Variants in SHH observed in about 807,000 individuals in gnomAD.
SHH encodes sonic hedgehog signaling molecule, also known as sonic hedgehog protein.
SHH carries 3 observed loss-of-function variants against 16.6 expected under a neutral mutation model. The ratio of observed to expected loss-of-function variants is 0.18; its 90% CI spans 0.08 to 0.47. The LOEUF (loss-of-function observed/expected upper bound fraction) is 0.47. Ranked by LOEUF, SHH falls within the 20% of genes least tolerant of loss-of-function variation. SHH has a pLI of 0.98. For missense variants in SHH, 499 were observed against 665.0 expected (o/e 0.75, Z 2.75); for synonymous variants, 351 against 316.2 (o/e 1.11, Z -1.17).
Position 155,803,559 on chromosome 7 carries a change from G to T in SHH, c.730C>A (p.Arg244Ser), listed in dbSNP as rs199513347. 3 of 1,597,994 alleles carry T rather than the reference G, an allele frequency of 1.9e-6. No homozygotes were observed. The highest frequency in any genetic ancestry group is 1.3e-5 in the African/African-American group (1 of 74,992). ...AAGACCTTCTTGGCGCCGTCGTCGC[G>T]GTCCAGGAAAGTGAGGAAGTCGCTG... is the stretch of plus-strand genomic sequence containing the variant. ...LYSDFLTFLD[R>S]DDGAKKVFYV... Residue 244 changes from arginine (R) to serine (S), a missense_variant, in exon 3 of 3, where the codon CGC (arginine) becomes AGC (serine). This residue lies in a region of SHH where 114 missense variants were observed against 200.4 expected (regional missense o/e 0.57). Coordinates refer to ENST00000297261, the MANE Select transcript of SHH (RefSeq NM_000193.4).
chr7:155,811,730 C>T, intron 1 of SHH, 93 bp downstream of exon 1: 1 of 1,288,822 alleles, frequency 7.8e-7, no homozygotes, highest in Non-Finnish European at 1.1e-6. Context: ...TCCTATCTGC[C>T]CGAAGAGCAA....
At chr7:155,808,609 C>T (rs1360872839) in intron 1 of SHH, among the ~76,000 whole-genome samples, 1 of 152,206 alleles carries the variant, frequency 6.6e-6, no homozygotes, top group East Asian at 1.9e-4. Flanking sequence ...GGGCTCCGCG[C>T]GGCCTCGGCT....
rs1803409333 is a variant in SHH, at chr7:155,807,977, C to G, written c.301-1420G>C. ...GAGAGGGTGGGGCGAGGACGCTGGC[C>G]CCACTGCTGCGGCGCTTTAAGGGGA... On this transcript the variant is annotated intron_variant, in intron 1 of 2. Coordinates refer to ENST00000297261, the MANE Select transcript of SHH (RefSeq NM_000193.4). This position sits in a 1 kb window ranked among gnomAD's most constrained non-coding sequence, Gnocchi z 7.1. Among the ~76,000 whole-genome samples the G allele has an allele frequency of 6.6e-6, 1 of 152,058 alleles. No homozygotes were observed. The highest frequency in any genetic ancestry group is 1.9e-4 in the East Asian group (1 of 5,180).
rs1233554 is a variant in SHH, at chr7:155,806,185, A to C, written c.562+111T>G. On this transcript the variant is annotated intron_variant, in intron 2 of 2. Coordinates refer to ENST00000297261, the MANE Select transcript of SHH (RefSeq NM_000193.4). ...GCGGAAACGCAGTCATCGCCCAGCGACCCTGCTCCTGGCCCTCAGCCTCCC... is the reference window on the plus strand; with the variant it reads ...GCGGAAACGCAGTCATCGCCCAGCGCCCCTGCTCCTGGCCCTCAGCCTCCC... 1,060,034 of 1,353,054 alleles carry C rather than the reference A, an allele frequency of 0.78. 417,622 individuals carry two copies. Among genetic ancestry groups the C allele is most frequent in the East Asian group, 0.98 (42,701 of 43,520 alleles). 83.8% of individuals were successfully genotyped at this position (1,353,054 alleles called of 1,614,324 possible).
chr7:155,804,332 A>G (rs922547697), intron 2 of SHH, among the ~76,000 whole-genome samples: 1 of 152,138 alleles, frequency 6.6e-6, no homozygotes, highest in African/African-American at 2.4e-5. Context: ...CAGTAGTTGT[A>G]GCAACTGGAC....
In SHH at chr7:155,802,823, C is replaced by G; in HGVS notation, c.*77G>C. 1.1e-6 allele frequency: 1 copy of G among 910,532 alleles called. No homozygotes were observed. Among genetic ancestry groups the G allele is most frequent in the African/African-American group, 1.7e-5 (1 of 57,532 alleles). 56.4% of individuals were successfully genotyped at this position (910,532 alleles called of 1,614,324 possible). On this transcript the variant is annotated 3_prime_UTR_variant, in exon 3 of 3. Transcript: ENST00000297261. ...CTCAGTCTGGTTCGTGCGCCTTTTC[C>G]GAGTGTCTTTTTGCTTTGCGTTGCT...
Position 155,806,790 on chromosome 7 carries a change from G to A in SHH, c.301-233C>T, listed in dbSNP as rs1407343648. 1.3e-5 allele frequency: 8 copies of A among 631,140 alleles called. No homozygotes were observed. In the South Asian group the frequency reaches 1.3e-4, roughly 10 times the overall value. The allele number at this position is 631,140 out of a possible 1,614,324, so 39.1% of individuals were successfully genotyped here. On this transcript the variant is annotated intron_variant, in intron 1 of 2. Transcript: ENST00000297261. ...GAGGAGCACGTCCTCTCAGGGTAGA[G>A]CTGGGGGCCTTTCTCCAGGTCCTGA...
chr7:155,800,729 C>A lies in SHH; in HGVS notation c.*2171G>T. The A allele has an allele frequency of 2.2e-6, 1 of 450,524 alleles. No individual in the cohort carries two copies. Among genetic ancestry groups the A allele is most frequent in the Non-Finnish European group, 4.5e-6 (1 of 220,576 alleles). The allele number at this position is 450,524 out of a possible 1,614,324, so 27.9% of individuals were successfully genotyped here. On this transcript the variant is annotated 3_prime_UTR_variant, in exon 3 of 3. Coordinates refer to ENST00000297261, the MANE Select transcript of SHH (RefSeq NM_000193.4). ...CTGAGGACTGCTCCTGAGGAGAGGG[C>A]TCCAGAGGCCCTGCGCCATCCACCT...
chr7:155,803,103 C>G lies in SHH; in HGVS notation c.1186G>C (p.Asp396His), dbSNP rs762371624. 3.0e-6 allele frequency: 4 copies of G among 1,347,514 alleles called. No individual in the cohort carries two copies. The South Asian group carries it at 8.5e-5, about 29-fold the overall frequency. 83.5% of individuals were successfully genotyped at this position (1,347,514 alleles called of 1,614,324 possible). ...LLAALAPARTDRGGDSGGGDR... is the reference protein window; with the variant it reads ...LLAALAPARTHRGGDSGGGDR... ...CCGCCGCCGCTGTCCCCGCCGCGGT[C>G]CGTGCGCGCGGGCGCCAGTGCAGCC... Residue 396 changes from aspartate to histidine, a missense_variant, in exon 3 of 3, where the codon GAC becomes CAC. Coordinates refer to ENST00000297261, the MANE Select transcript of SHH (RefSeq NM_000193.4).
At position 155,803,118 on chromosome 7, in the gene SHH, C is replaced by A; in HGVS notation, c.1171G>T (p.Ala391Ser). Residue 391 changes from alanine (A) to serine (S), a missense_variant, in exon 3 of 3, where the codon GCG (alanine) becomes TCG (serine). Ala to Ser is a moderately conservative substitution (Grantham distance 99, BLOSUM62 1). This residue lies in a region of SHH where 299 missense variants were observed against 301.1 expected (regional missense o/e 0.99). Transcript: ENST00000297261. ...CCGCCGCGGTCCGTGCGCGCGGGCGCCAGTGCAGCCAGGAGCGCGTGCGCC... is the reference window on the plus strand; with the variant it reads ...CCGCCGCGGTCCGTGCGCGCGGGCGACAGTGCAGCCAGGAGCGCGTGCGCC... The part of the protein sequence containing the change: ...RLAHALLAAL[A>S]PARTDRGGDS... 1 of 1,355,852 alleles carries A rather than the reference C, an allele frequency of 7.4e-7. No homozygotes were observed. Among genetic ancestry groups the A allele is most frequent in the Non-Finnish European group, 9.5e-7 (1 of 1,054,998 alleles). The allele number at this position is 1,355,852 out of a possible 1,614,324, so 84.0% of individuals were successfully genotyped here.
chr7:155,802,307 A>C lies in SHH; in HGVS notation c.*593T>G, dbSNP rs868480860. 6.6e-6 allele frequency: 1 copy of C among 152,220 alleles called. No homozygotes were observed. The highest frequency in any genetic ancestry group is 1.5e-5 in the Non-Finnish European group (1 of 68,036). The allele number at this position is 152,220 out of a possible 1,614,324, so 9.4% of individuals were successfully genotyped here. A position where few individuals can be genotyped will look rare whatever the true frequency, so the allele number is the denominator to read the frequency against. On this transcript the variant is annotated 3_prime_UTR_variant, in exon 3 of 3. Coordinates refer to ENST00000297261, the MANE Select transcript of SHH (RefSeq NM_000193.4). ...TCAAAAATGAAATGTAATTCAGTTA[A>C]GTATTGATCTCTCAAAAAATCTAAT...
chr7:155,812,001 G>A lies in SHH; in HGVS notation c.122C>T (p.Pro41Leu). 1 of 1,614,196 alleles carries A rather than the reference G, an allele frequency of 6.2e-7. No individual in the cohort carries two copies. The change falls in exon 1 of 3, where the codon CCT (proline) becomes CTT (leucine). Residue 41 changes from proline (P) to leucine (L), a missense_variant. Transcript: ENST00000297261. ...GKRRHPKKLT[P>L]LAYKQFIPNV... ...GGGGATAAACTGCTTGTAGGCTAAAGGGGTCAGCTTTTTGGGGTGCCTCCT... is the reference window on the plus strand; with the variant it reads ...GGGGATAAACTGCTTGTAGGCTAAAAGGGTCAGCTTTTTGGGGTGCCTCCT...
rs761601401 is a variant in SHH, at chr7:155,812,104, A to C, written c.19T>G (p.Cys7Gly). ...GAGGAGACGAGGACTAGCAGCAGAC[A>C]TCTCGCCAGCAGCAGCATCTCGCCC... MLLLAR[C>G]LLLVLVSSLL... The change falls in exon 1 of 3, where the codon TGT becomes GGT. Residue 7 changes from cysteine to glycine, a missense_variant. This residue lies in a region of SHH where 75 missense variants were observed against 115.0 expected (regional missense o/e 0.65). Coordinates refer to ENST00000297261, the MANE Select transcript of SHH (RefSeq NM_000193.4). 5.0e-6 allele frequency: 8 copies of C among 1,614,018 alleles called. No homozygotes were observed. Among genetic ancestry groups the C allele is most frequent in the Non-Finnish European group, 6.8e-6 (8 of 1,180,020 alleles).
chr7:155,808,579 C>T (rs1803426961), intron 1 of SHH, among the ~76,000 whole-genome samples: 1 of 152,214 alleles, frequency 6.6e-6, no homozygotes, highest in Non-Finnish European at 1.5e-5. Context: ...GCCCCCGCCC[C>T]TTGCGCCCTC....
At chr7:155,806,189 T>C in intron 2 of SHH, 107 bp downstream of exon 2, 1 of 1,429,394 alleles carries the variant, frequency 7.0e-7, no homozygotes, top group Non-Finnish European at 9.8e-7. Flanking sequence ...CCAGCGACCC[T>C]GCTCCTGGCC....
rs1395015326 is a variant in SHH, at chr7:155,800,523, C to T, written c.*2377G>A. On this transcript the variant is annotated 3_prime_UTR_variant, in exon 3 of 3. Transcript: ENST00000297261. Reference sequence around the variant, plus strand: ...GGGCTGCACGGCCACATTGCCAGGTCTGTCTACACAGCCAGAGGAGCTGCT... The same window carrying T: ...GGGCTGCACGGCCACATTGCCAGGTTTGTCTACACAGCCAGAGGAGCTGCT... 3 of 470,288 alleles carry T rather than the reference C, an allele frequency of 6.4e-6. No homozygotes were observed. The highest frequency in any genetic ancestry group is 6.0e-5 in the African/African-American group (3 of 50,086). The allele number at this position is 470,288 out of a possible 1,614,324, so 29.1% of individuals were successfully genotyped here.
rs766797846 is a variant in SHH at position 155,811,873 on chromosome 7, T to C, written c.250A>G (p.Ile84Val). The change falls in exon 1 of 3, where the codon ATC becomes GTC. Residue 84 changes from isoleucine to valine, a missense_variant. This residue lies in a region of SHH where 75 missense variants were observed against 115.0 expected (regional missense o/e 0.65). Transcript: ENST00000297261. Reference sequence around the variant, plus strand: ...GTGTTTTCTTCATCCTTAAATATGATGTCGGGGTTGTAATTGGGGGTGAGT... The same window carrying C: ...GTGTTTTCTTCATCCTTAAATATGACGTCGGGGTTGTAATTGGGGGTGAGT... ...KELTPNYNPDIIFKDEENTGA... is the reference protein window; with the variant it reads ...KELTPNYNPDVIFKDEENTGA... The C allele has an allele frequency of 2.5e-6, 4 of 1,614,168 alleles. No homozygotes were observed. Among genetic ancestry groups the C allele is most frequent in the Non-Finnish European group, 2.5e-6 (3 of 1,180,036 alleles).
rs564808057 is a variant in SHH at position 155,800,348 on chromosome 7, G to A, written c.*2552C>T. 1.7e-4 allele frequency: 69 copies of A among 411,194 alleles called. No homozygotes were observed. In the East Asian group the frequency reaches 3.2e-3, roughly 19 times the overall value. 25.5% of individuals were successfully genotyped at this position (411,194 alleles called of 1,614,324 possible). On this transcript the variant is annotated 3_prime_UTR_variant, in exon 3 of 3. Transcript: ENST00000297261. ...CCAGCAGCACGGACACTCTGCCACC[G>A]GGCCTGTCCAGGAGGGAGTGCCACC...
Position 155,802,882 on chromosome 7 carries a change from T to TC in SHH, c.*17dup. 3.7e-6 allele frequency: 1 copy of TC among 267,322 alleles called. No individual in the cohort carries two copies. Among genetic ancestry groups the TC allele is most frequent in the South Asian group, 8.7e-5 (1 of 11,540 alleles). 16.6% of individuals were successfully genotyped at this position (267,322 alleles called of 1,614,324 possible). A position where few individuals can be genotyped will look rare whatever the true frequency, so the allele number is the denominator to read the frequency against. On this transcript the variant is annotated 3_prime_UTR_variant, in exon 3 of 3. Transcript: ENST00000297261. Reference sequence around the variant, plus strand: ...CCCGCCCCGCCCCCTCCCGCGCCCCTCCCCCGGCCCCCCGGCTTCAGCTGG... The same window carrying TC: ...CCCGCCCCGCCCCCTCCCGCGCCCCTCCCCCCGGCCCCCCGGCTTCAGCTGG...
Sources: allele counts gnomAD v4.1 joint callset (sites outside exome capture counted in the v4.1 genomes callset), GRCh38; gene constraint gnomAD v4.1.1; regional missense constraint gnomAD v4.1.1; non-coding constraint Gnocchi (gnomAD v3.1); transcripts MANE v1.5; gene names NCBI Gene and HGNC (gene_info 2026-07-23, HGNC 2026-07-21).